The following ZRSR2 variants were observed in gnomAD, a reference collection of about 807,000 sequenced individuals.
ZRSR2 encodes the protein U2 small nuclear ribonucleoprotein auxiliary factor 35 kDa subunit-related protein 2.
A neutral mutation model predicts 39.4 loss-of-function variants in ZRSR2; 3 were observed. That is an observed-to-expected ratio of 0.08 (90% CI 0.03 to 0.20). The LOEUF (loss-of-function observed/expected upper bound fraction) is 0.20, where lower values mean the gene tolerates loss of function less well. ZRSR2 is among the 10% of genes least tolerant of loss of function. ZRSR2 has a pLI of 1.00. For synonymous variants in ZRSR2, 137 were observed against 136.0 expected, an observed-to-expected ratio of 1.01 and a Z score of -0.05; for missense variants, 256 against 391.5, an observed-to-expected ratio of 0.65 and a Z score of 2.92.
chrX:15,790,858 G>C lies in ZRSR2; in HGVS notation c.42-76G>C, dbSNP rs985848425. 28 of 978,845 alleles carry C rather than the reference G, an allele frequency of 2.9e-5. No homozygotes were observed. In the Admixed American group the frequency reaches 6.3e-4, roughly 22 times the overall value. 80.7% of individuals were successfully genotyped at this position (978,845 alleles called of 1,213,427 possible). The stretch of plus-strand genomic sequence containing the variant: ...GCACCCGAACTATTTCCTTTCATTG[G>C]GCACAGAGGAGCGGGGAGCTCGGGC... On this transcript the variant is annotated intron_variant, in intron 1 of 10. Transcript: ENST00000307771.
At chrX:15,799,800 A>T (rs935615376) in intron 2 of ZRSR2, 72 bp from the exon 3 acceptor site, 1 of 650,951 alleles carries the variant, frequency 1.5e-6, no homozygotes, top group Non-Finnish European at 2.4e-6. Context: ...TAAAGATTAC[A>T]TGTATTTTTT....
Position 15,818,662 on chromosome X carries a change from A to G in ZRSR2, c.827+20A>G. On this transcript the variant is annotated intron_variant, in intron 9 of 10. Coordinates refer to ENST00000307771, the MANE Select transcript of ZRSR2 (RefSeq NM_005089.4). ...CCAGTCGTAAGTATTCTGCTTGTGG[A>G]TGTCTTCCTGATTTGTCACAGTTTG... The G allele has an allele frequency of 8.6e-7, 1 of 1,162,908 alleles. No homozygotes were observed. The highest frequency in any genetic ancestry group is 1.8e-5 in the African/African-American group (1 of 55,925).
At position 15,797,502 on chromosome X, in the gene ZRSR2, G is replaced by T. The variant is rs903134694; in HGVS notation, c.122-2370G>T. On this transcript the variant is annotated intron_variant, in intron 2 of 10. Coordinates refer to ENST00000307771, the MANE Select transcript of ZRSR2 (RefSeq NM_005089.4). ...TGGGATTCCAGGCATGAGCCACCACGCCCAGCTCTGCATTAACGTTTTATA... is the reference window on the plus strand; with the variant it reads ...TGGGATTCCAGGCATGAGCCACCACTCCCAGCTCTGCATTAACGTTTTATA... 2.7e-5 allele frequency among the ~76,000 whole-genome samples: 3 copies of T among 112,198 alleles called. No homozygotes were observed. The East Asian group carries it at 8.3e-4, about 31-fold the overall frequency.
chrX:15,812,090 T>A (rs369215052), intron 7 of ZRSR2, among the ~76,000 whole-genome samples: 2 of 109,918 alleles, frequency 1.8e-5, no homozygotes, highest in Admixed American at 1.9e-4. Flanking sequence ...CCACCACGCC[T>A]GGCTAATTTT....
At chrX:15,798,313 G>A (rs1318384323) in intron 2 of ZRSR2, among the ~76,000 whole-genome samples, 2 of 111,018 alleles carry the variant, frequency 1.8e-5, no homozygotes, top group African/African-American at 3.3e-5. Context: ...AATGGGAGAG[G>A]ATGTAAATGT....
intron 5 of ZRSR2, 151 bp downstream of exon 5, chrX:15,804,348 C>A: frequency 1.1e-6 from 1 of 885,061 alleles, no homozygotes; most frequent in Non-Finnish European, 1.5e-6. Flanking sequence ...CACCAGAGTT[C>A]CCTTCTGATG....
intron 3 of ZRSR2, among the ~76,000 whole-genome samples, chrX:15,802,066 C>T (rs1024068818): frequency 8.9e-6 from 1 of 111,831 alleles, no homozygotes; most frequent in Non-Finnish European, 1.9e-5. Flanking sequence ...ATATGGTACC[C>T]TCACACATGG....
At chrX:15,806,552 G>A (rs1027618424) in intron 5 of ZRSR2, among the ~76,000 whole-genome samples, 3 of 110,345 alleles carry the variant, frequency 2.7e-5, no homozygotes, top group Middle Eastern at 4.6e-3. Flanking sequence ...TCAGCCCCCC[G>A]AGTAGCTGGG....
chrX:15,820,678 T>TGGC (rs1445721818), intron 10 of ZRSR2, among the ~76,000 whole-genome samples: 13 of 112,485 alleles, frequency 1.2e-4, no homozygotes, highest in African/African-American at 4.2e-4. Flanking sequence ...TTATATTCAT[T>TGGC]GGCTCACTTC....
At chrX:15,800,429 C>T (rs1932635593) in intron 3 of ZRSR2, among the ~76,000 whole-genome samples, 1 of 109,770 alleles carries the variant, frequency 9.1e-6, no homozygotes, top group Admixed American at 9.8e-5. Flanking sequence ...TCAAGTGATC[C>T]GCCTGCCTCA....
intron 2 of ZRSR2, among the ~76,000 whole-genome samples, chrX:15,796,786 T>G (rs1932480107): frequency 4.0e-4 from 2 of 5,051 alleles, no homozygotes; most frequent in Non-Finnish European, 1.4e-3. Flanking sequence ...TTCAAATCGT[T>G]TTTTTTTTTT....
intron 2 of ZRSR2, among the ~76,000 whole-genome samples, chrX:15,798,291 T>C (rs767703478): frequency 1.8e-5 from 2 of 112,091 alleles, no homozygotes; most frequent in South Asian, 3.6e-4. Context: ...CTGATTTTTT[T>C]CCCAAATTTT....
intron 2 of ZRSR2, among the ~76,000 whole-genome samples, chrX:15,797,619 T>G (rs1486733059): frequency 8.9e-6 from 1 of 111,943 alleles, no homozygotes; most frequent in Non-Finnish European, 1.9e-5. Flanking sequence ...TTAATTTTTT[T>G]CAGTGTTTCT....
intron 7 of ZRSR2, among the ~76,000 whole-genome samples, chrX:15,809,841 G>A (rs1448997845): frequency 1.8e-5 from 2 of 111,733 alleles, no homozygotes; most frequent in Non-Finnish European, 3.8e-5. Flanking sequence ...AACTTGGCAT[G>A]TGTAAAGGGA....
chrX:15,818,852 C>T (rs1392611510), intron 9 of ZRSR2, among the ~76,000 whole-genome samples: 3 of 110,574 alleles, frequency 2.7e-5, no homozygotes, highest in Non-Finnish European at 3.8e-5. Context: ...CTCACTGCCA[C>T]CTCCACCTCC....
At chrX:15,795,087 T>C (rs1406812170) in intron 2 of ZRSR2, among the ~76,000 whole-genome samples, 1 of 56,293 alleles carries the variant, frequency 1.8e-5, no homozygotes, top group African/African-American at 9.5e-5. Context: ...CCCTGCACTT[T>C]TCCCCCCCCC....
chrX:15,793,134 G>C (rs12009515), intron 2 of ZRSR2, among the ~76,000 whole-genome samples: 1 of 111,534 alleles, frequency 9.0e-6, no homozygotes, highest in Non-Finnish European at 1.9e-5. Context: ...ATTGTACTTC[G>C]TCTCTCCCCC....
intron 2 of ZRSR2, among the ~76,000 whole-genome samples, chrX:15,796,693 A>G (rs1246969285): frequency 1.8e-5 from 2 of 110,497 alleles, no homozygotes; most frequent in African/African-American, 6.6e-5. Flanking sequence ...TTGTAGCACA[A>G]CTTTTATAGT....
intron 6 of ZRSR2, 115 bp from the exon 7 acceptor site, chrX:15,809,085 G>A: frequency 5.2e-6 from 3 of 578,687 alleles, no homozygotes; most frequent in Non-Finnish European, 8.8e-6. Context: ...TTAAATGTTT[G>A]CATTATTAAA....
Sources: gnomAD v4.1 joint callset for allele counts (sites outside exome capture counted in the v4.1 genomes callset) on GRCh38, gnomAD v4.1.1 for gene constraint, MANE v1.5 for transcripts, NCBI Gene and HGNC (gene_info 2026-07-23, HGNC 2026-07-21) for gene names.